UMAD1: variants seen among roughly 807,000 people sequenced by gnomAD.
The protein encoded by UMAD1 is UBAP1-MVB12-associated (UMA) domain containing 1.
UMAD1 carries 8 observed loss-of-function variants against 6.1 expected under a neutral mutation model. That is an observed-to-expected ratio of 1.30 (90% CI 0.76 to 2.35). The LOEUF is 2.35. UMAD1 is among the 30% of genes most tolerant of loss of function. The pLI is 0.00. For missense variants in UMAD1, 130 were observed against 78.4 expected (o/e 1.66, Z -2.49); for synonymous variants, 56 against 31.4 (o/e 1.78, Z -2.61).
chr7:7,741,860 C>A, intron 2 of UMAD1: 1 of 210,716 alleles, frequency 4.7e-6, no homozygotes, highest in Non-Finnish European at 9.6e-6. Context: ...AATAGAACAC[C>A]TTTGTAAAAT....
chr7:7,755,196 A>G (rs1290962823), intron 2 of UMAD1, among the ~76,000 whole-genome samples: 3 of 152,198 alleles, frequency 2.0e-5, no homozygotes, highest in Non-Finnish European at 4.4e-5. Flanking sequence ...TCCATCAGAA[A>G]TGTTATTTAG....
chr7:7,706,551 A>T (rs966827734), intron 2 of UMAD1, among the ~76,000 whole-genome samples: 1 of 152,220 alleles, frequency 6.6e-6, no homozygotes, highest in Non-Finnish European at 1.5e-5. Context: ...ATCATTTTTT[A>T]AAATTGGAAA....
At chr7:7,739,613 G>A (rs12702640) in intron 2 of UMAD1, among the ~76,000 whole-genome samples, 31,430 of 152,034 alleles carry the variant, frequency 0.21, 3,697 homozygotes, top group African/African-American at 0.33. Flanking sequence ...TCCTAGTGAC[G>A]TAACAAATCA....
intron 3 of UMAD1, among the ~76,000 whole-genome samples, chr7:7,813,038 C>T (rs1330041594): frequency 6.6e-6 from 1 of 152,202 alleles, no homozygotes; most frequent in Non-Finnish European, 1.5e-5. Context: ...CTGACATTAT[C>T]TGAATATTCC....
At chr7:7,703,609 G>T (rs1780522014) in intron 2 of UMAD1, among the ~76,000 whole-genome samples, 1 of 152,138 alleles carries the variant, frequency 6.6e-6, no homozygotes, top group Non-Finnish European at 1.5e-5. Context: ...ACAACAATTT[G>T]TCCTAATCAG....
At chr7:7,650,338 GTTTA>G (rs1167428892) in intron 1 of UMAD1, among the ~76,000 whole-genome samples, 4 of 152,102 alleles carry the variant, frequency 2.6e-5, no homozygotes, top group East Asian at 3.8e-4. Flanking sequence ...TTTTCTGAGT[GTTTA>G]TTTCATTCGA....
chr7:7,700,395 G>A (rs1236465997), intron 2 of UMAD1, among the ~76,000 whole-genome samples: 2 of 152,150 alleles, frequency 1.3e-5, no homozygotes, highest in Non-Finnish European at 2.9e-5. Flanking sequence ...CAAATATTCA[G>A]TGTAGAGAAA....
chr7:7,699,049 T>TC (rs1780389850), intron 2 of UMAD1, among the ~76,000 whole-genome samples: 1 of 143,610 alleles, frequency 7.0e-6, no homozygotes, highest in Non-Finnish European at 1.5e-5. Context: ...TGTGTGTGTG[T>TC]GGGGGGGGGG....
At chr7:7,676,906 T>C (rs181897804) in intron 2 of UMAD1, among the ~76,000 whole-genome samples, 3 of 152,248 alleles carry the variant, frequency 2.0e-5, no homozygotes, top group Admixed American at 2.0e-4. Context: ...TTTTAAAAAA[T>C]TGATTTGCTC....
chr7:7,862,629 T>C (rs1279135577), intron 3 of UMAD1, among the ~76,000 whole-genome samples: 1 of 152,234 alleles, frequency 6.6e-6, no homozygotes, highest in Non-Finnish European at 1.5e-5. Context: ...TGTGGTTAGA[T>C]GCTGTAGTTT....
intron 2 of UMAD1, among the ~76,000 whole-genome samples, chr7:7,761,078 A>G (rs972674229): frequency 5.9e-5 from 9 of 152,112 alleles, no homozygotes; most frequent in African/African-American, 1.9e-4. Context: ...TGAAAAGGTC[A>G]CCCCAGCTGG....
chr7:7,872,026 C>T lies in UMAD1; in HGVS notation c.157-5255C>T, dbSNP rs549765499. 1.1e-4 allele frequency among the ~76,000 whole-genome samples: 16 copies of T among 151,240 alleles called. No homozygotes were observed. In the South Asian group the frequency reaches 2.9e-3, roughly 28 times the overall value. ...CCCTCCGCAGTTCCATGCAGACCTC[C>T]GAAAGAGGAGGGGGCCTTCATGTCC... On this transcript the variant is annotated intron_variant, in intron 3 of 3. Coordinates refer to ENST00000682710, the MANE Select transcript of UMAD1 (RefSeq NM_001302348.2).
At chr7:7,750,200 A>C (rs1364031460) in intron 2 of UMAD1, among the ~76,000 whole-genome samples, 1 of 152,176 alleles carries the variant, frequency 6.6e-6, no homozygotes, top group Non-Finnish European at 1.5e-5. Flanking sequence ...TATCTTAAGA[A>C]GTCTAGGTAG....
At chr7:7,745,774 GC>G (rs1295105627) in intron 2 of UMAD1, among the ~76,000 whole-genome samples, 1 of 152,160 alleles carries the variant, frequency 6.6e-6, no homozygotes, top group Non-Finnish European at 1.5e-5. Context: ...ATGACAAATG[GC>G]CTGTTTCCCC....
intron 1 of UMAD1, among the ~76,000 whole-genome samples, chr7:7,669,149 G>GA (rs1779542002): frequency 6.6e-6 from 1 of 151,866 alleles, no homozygotes; most frequent in Admixed American, 6.6e-5. Context: ...TTTTGTATAG[G>GA]AAAAAACATA....
chr7:7,686,355 C>A (rs555902724), intron 2 of UMAD1, among the ~76,000 whole-genome samples: 2 of 151,968 alleles, frequency 1.3e-5, no homozygotes, highest in Non-Finnish European at 2.9e-5. Flanking sequence ...AGAATGTTAT[C>A]CCATTGGCAG....
At chr7:7,764,566 A>G (rs1470093595) in intron 2 of UMAD1, among the ~76,000 whole-genome samples, 1 of 152,180 alleles carries the variant, frequency 6.6e-6, no homozygotes, top group Non-Finnish European at 1.5e-5. Flanking sequence ...ATAGTGAAAT[A>G]ACATCTTAAG....
chr7:7,741,255 CA>C (rs1170937609), intron 2 of UMAD1: 2 of 149,996 alleles, frequency 1.3e-5, no homozygotes, highest in African/African-American at 4.9e-5. Flanking sequence ...CTTTAAAGAG[CA>C]AGGAAAAAAT....
chr7:7,746,331 T>A (rs1486891315), intron 2 of UMAD1, among the ~76,000 whole-genome samples: 3 of 152,114 alleles, frequency 2.0e-5, no homozygotes, highest in African/African-American at 4.8e-5. Context: ...ATGCAGAAAA[T>A]GATATAGTTA....
Sources: gnomAD v4.1 joint callset for allele counts (sites outside exome capture counted in the v4.1 genomes callset) on GRCh38, gnomAD v4.1.1 for gene constraint, MANE v1.5 for transcripts, NCBI Gene and HGNC (gene_info 2026-07-23, HGNC 2026-07-21) for gene names.